Variants in C9 observed in about 807,000 individuals in gnomAD.
The protein encoded by C9 is complement component C9.
C9 carries 63 observed loss-of-function variants against 65.4 expected under a neutral mutation model. The ratio of observed to expected loss-of-function variants is 0.96; its 90% CI spans 0.79 to 1.19. C9 has a LOEUF of 1.19. C9 is among the 50% of genes most tolerant of loss of function. The probability of loss-of-function intolerance (pLI) is 0.00; values close to 1 mark genes in which losing one functional copy is unlikely to be tolerated. For synonymous variants in C9, 229 were observed against 227.9 expected, an observed-to-expected ratio of 1.00 and a Z score of -0.04; for missense variants, 744 against 670.1, an observed-to-expected ratio of 1.11 and a Z score of -1.22.
rs1308606058 is a variant in C9, at chr5:39,342,119, G to A, written c.155C>T (p.Ser52Leu). ...TTGTCTGAGACAAGGATCGCATTGTGACCATTCACTCCAGGGGCTCATTCT... is the reference window on the plus strand; with the variant it reads ...TTGTCTGAGACAAGGATCGCATTGTAACCATTCACTCCAGGGGCTCATTCT... ...DCRMSPWSEWSQCDPCLRQMF... is the reference protein window; with the variant it reads ...DCRMSPWSEWLQCDPCLRQMF... Residue 52 changes from serine to leucine, a missense_variant, in exon 2 of 11, where the codon TCA becomes TTA. Ser to Leu is a moderately radical substitution (Grantham distance 145). Coordinates refer to ENST00000263408, the MANE Select transcript of C9 (RefSeq NM_001737.5). 6.2e-7 allele frequency: 1 copy of A among 1,602,442 alleles called. No individual in the cohort carries two copies. Among genetic ancestry groups the A allele is most frequent in the Non-Finnish European group, 8.6e-7 (1 of 1,169,322 alleles).
chr5:39,334,756 G>A (rs1329061476), intron 4 of C9, among the ~76,000 whole-genome samples: 11 of 149,664 alleles, frequency 7.3e-5, no homozygotes, highest in East Asian at 2.0e-4. Context: ...GCCTCTGCCC[G>A]GCCGCCCCTA....
chr5:39,326,565 G>A (rs1753750377), intron 5 of C9, among the ~76,000 whole-genome samples: 1 of 152,164 alleles, frequency 6.6e-6, no homozygotes, highest in Admixed American at 6.5e-5. Context: ...ATTATGCTCA[G>A]GACTATGCTC....
At chr5:39,301,108 A>G (rs1753272439) in intron 9 of C9, among the ~76,000 whole-genome samples, 2 of 152,186 alleles carry the variant, frequency 1.3e-5, no homozygotes, top group South Asian at 4.1e-4. Flanking sequence ...ATAGAAAGAT[A>G]CATTTAACTA....
intron 1 of C9, among the ~76,000 whole-genome samples, chr5:39,346,478 T>A (rs1287868062): frequency 6.6e-6 from 1 of 152,152 alleles, no homozygotes; most frequent in Non-Finnish European, 1.5e-5. Flanking sequence ...CAGGAAGAAG[T>A]TGAATCCCTG....
chr5:39,351,027 T>A (rs749131726), intron 1 of C9, among the ~76,000 whole-genome samples: 7 of 152,314 alleles, frequency 4.6e-5, no homozygotes, highest in Non-Finnish European at 8.8e-5. Context: ...TTCTCTGAAA[T>A]CTAGGTTGAG....
chr5:39,306,538 T>C, intron 9 of C9, 79 bp downstream of exon 9: 2 of 1,130,664 alleles, frequency 1.8e-6, no homozygotes, highest in Non-Finnish European at 2.7e-6. Flanking sequence ...CAGATGAAGC[T>C]AACAGTTCAC....
chr5:39,326,219 T>A (rs959703365), intron 5 of C9, among the ~76,000 whole-genome samples: 7 of 152,228 alleles, frequency 4.6e-5, no homozygotes, highest in Non-Finnish European at 7.3e-5. Context: ...GAAATGTAAC[T>A]AAGTTGCCTA....
At chr5:39,311,492 G>A (rs906032202) in intron 6 of C9, 115 bp from the exon 7 acceptor site, 3 of 925,660 alleles carry the variant, frequency 3.2e-6, no homozygotes, top group Non-Finnish European at 5.2e-6. Context: ...GTGACCATGA[G>A]ATACCACTCT....
At chr5:39,326,070 AG>A (rs1753743521) in intron 5 of C9, among the ~76,000 whole-genome samples, 1 of 152,068 alleles carries the variant, frequency 6.6e-6, no homozygotes, top group Non-Finnish European at 1.5e-5. Flanking sequence ...CCATTTTTAT[AG>A]GGTCCATCTA....
At chr5:39,330,811 A>G (rs1753826352) in intron 5 of C9, among the ~76,000 whole-genome samples, 1 of 152,244 alleles carries the variant, frequency 6.6e-6, no homozygotes, top group African/African-American at 2.4e-5. Context: ...TTTAGCATTC[A>G]TGAGAAAACA....
chr5:39,340,991 C>T, intron 4 of C9, 155 bp downstream of exon 4: 1 of 848,932 alleles, frequency 1.2e-6, no homozygotes, highest in Non-Finnish European at 1.9e-6. Flanking sequence ...TTTAGCACTT[C>T]CTTTAAGCTT....
intron 8 of C9, 46 bp downstream of exon 8, chr5:39,308,184 T>A (rs1054267012): frequency 1.3e-6 from 2 of 1,564,926 alleles, no homozygotes; most frequent in African/African-American, 2.7e-5. Context: ...CTCATTGACA[T>A]CTACCCTCAG....
intron 5 of C9, among the ~76,000 whole-genome samples, chr5:39,326,727 T>C (rs1753753131): frequency 6.6e-6 from 1 of 152,188 alleles, no homozygotes; most frequent in Non-Finnish European, 1.5e-5. Context: ...TTGAGAAACA[T>C]CAACATAGGA....
At chr5:39,331,204 T>C (rs538712959) in intron 5 of C9, among the ~76,000 whole-genome samples, 189 of 152,244 alleles carry the variant, frequency 1.2e-3, no homozygotes, top group Non-Finnish European at 2.1e-3. Context: ...AAAAATCATT[T>C]TTATAAATCA....
rs147260923 is a variant in C9 at position 39,319,042 on chromosome 5, CT to C, written c.616-3014del. On this transcript the variant is annotated intron_variant, in intron 5 of 10. Coordinates refer to ENST00000263408, the MANE Select transcript of C9 (RefSeq NM_001737.5). ...TTTCTTTCTAGAATGTTCTCTTACT[CT>C]TTCCCCCCAACCCTCCCATAGCACA... is the stretch of plus-strand genomic sequence containing the variant. Among the ~76,000 whole-genome samples the C allele has an allele frequency of 4.6e-3, 702 of 152,170 alleles. 2 individuals are homozygous for C. Among genetic ancestry groups the C allele is most frequent in the African/African-American group, 0.011 (477 of 41,518 alleles).
At chr5:39,344,277 A>G (rs886911631) in intron 1 of C9, among the ~76,000 whole-genome samples, 8 of 152,254 alleles carry the variant, frequency 5.3e-5, no homozygotes, top group Non-Finnish European at 1.0e-4. Context: ...ACATTGAAAA[A>G]AGATTAGACA....
At chr5:39,355,415 C>G (rs1395226683) in intron 1 of C9, among the ~76,000 whole-genome samples, 1 of 152,132 alleles carries the variant, frequency 6.6e-6, no homozygotes, top group East Asian at 1.9e-4. Flanking sequence ...ACTATGTGTA[C>G]ACTTATTTAC....
At chr5:39,324,412 G>T (rs1050274002) in intron 5 of C9, among the ~76,000 whole-genome samples, 1 of 152,042 alleles carries the variant, frequency 6.6e-6, no homozygotes, top group Non-Finnish European at 1.5e-5. Flanking sequence ...GATAGAGGGG[G>T]TGTAATTTGT....
At chr5:39,361,464 G>C (rs993981640) in intron 1 of C9, among the ~76,000 whole-genome samples, 1 of 152,202 alleles carries the variant, frequency 6.6e-6, no homozygotes, top group African/African-American at 2.4e-5. Flanking sequence ...AAAAGGTAAT[G>C]ATAGCTACAC....
Sources: gnomAD v4.1 joint callset for allele counts (sites outside exome capture counted in the v4.1 genomes callset) on GRCh38, gnomAD v4.1.1 for gene constraint, MANE v1.5 for transcripts, NCBI Gene and HGNC (gene_info 2026-07-23, HGNC 2026-07-21) for gene names.